Variants in HSPG2 observed in about 807,000 individuals in gnomAD.
The protein encoded by HSPG2 is heparan sulfate proteoglycan 2, also known as basement membrane-specific heparan sulfate proteoglycan core protein.
A neutral mutation model predicts 526.6 loss-of-function variants in HSPG2; 278 were observed. The observed-to-expected ratio is 0.53, with a 90% confidence interval of 0.48 to 0.58. HSPG2 has a LOEUF of 0.58. HSPG2 is among the 20% of genes least tolerant of loss of function. The probability of loss-of-function intolerance (pLI) is 0.00; values close to 1 mark genes in which losing one functional copy is unlikely to be tolerated. For missense variants in HSPG2, 5,354 were observed against 6,099.5 expected (o/e 0.88, Z 4.07); for synonymous variants, 2,465 against 2,555.4 (o/e 0.96, Z 1.07).
chr1:21,915,180 C>A (rs552614675), intron 1 of HSPG2, among the ~76,000 whole-genome samples: 1 of 125,548 alleles, frequency 8.0e-6, no homozygotes, highest in South Asian at 3.2e-4. Flanking sequence ...CTGATACGGG[C>A]GCGTTAGAGC....
In HSPG2 at chr1:21,829,714, G is replaced by A. The variant is rs75322592; in HGVS notation, c.11771-110C>T. 4.1e-3 allele frequency: 4,056 copies of A among 983,262 alleles called. 19 individuals carry two copies. Among genetic ancestry groups the A allele is most frequent in the Non-Finnish European group, 5.4e-3 (3,653 of 670,328 alleles). 60.9% of individuals were successfully genotyped at this position (983,262 alleles called of 1,614,324 possible). A position where few individuals can be genotyped will look rare whatever the true frequency, so the allele number is the denominator to read the frequency against. ...TTGCCTGCCTCACTCTCCAGGCCCA[G>A]AGGCTCAGGACCAGTTGGCACCAGC... On this transcript the variant is annotated intron_variant, in intron 86 of 96. Transcript: ENST00000374695.
rs768304048 is a variant in HSPG2 at position 21,859,715 on chromosome 1, ACT to A, written c.5183-41_5183-40del. 6.3e-7 allele frequency: 1 copy of A among 1,582,854 alleles called. No homozygotes were observed. On this transcript the variant is annotated intron_variant, in intron 41 of 96. Coordinates refer to ENST00000374695, the MANE Select transcript of HSPG2 (RefSeq NM_005529.7). This position sits in a 1 kb window ranked among gnomAD's most constrained non-coding sequence, Gnocchi z 5.3. ...GACAAGAGCTTGTTGGTGCAGATAC[ACT>A]CTTTCTCACATCCAGCCCCATGCAC...
In HSPG2 at chr1:21,824,597, C is replaced by T. The variant is rs1260494537; in HGVS notation, c.12684G>A (p.Glu4228=). The T allele has an allele frequency of 1.2e-6, 2 of 1,614,066 alleles. No homozygotes were observed. Among genetic ancestry groups the T allele is most frequent in the Non-Finnish European group, 1.7e-6 (2 of 1,180,042 alleles). ...VFSRSLPEVP[E]TIELEVRTST... ...TGGTCCGAACCTCCAGCTCGATGGT[C>T]TCGGGCACCTCGGGCAGGCTGCGGA... Residue 4228 remains glutamate, a synonymous_variant, in exon 93 of 97, where the codon GAG becomes GAA. Transcript: ENST00000374695. The surrounding 1 kb of genome is among the most constrained non-coding windows in gnomAD (Gnocchi z 5.9).
intron 85 of HSPG2, chr1:21,830,348 G>C (rs545610037): frequency 1.9e-6 from 1 of 537,238 alleles, no homozygotes; most frequent in East Asian, 3.2e-5. Context: ...GTGTTGGAGG[G>C]GGAGCACCTG....
chr1:21,862,539 G>C (rs1435494133), intron 37 of HSPG2, among the ~76,000 whole-genome samples: 3 of 129,268 alleles, frequency 2.3e-5, no homozygotes, highest in Non-Finnish European at 4.6e-5. Context: ...AGCCGAGATT[G>C]CACCACTGCA....
intron 68 of HSPG2, 23 bp from the exon 69 acceptor site, chr1:21,842,165 C>T (rs755961326): frequency 6.2e-7 from 1 of 1,613,368 alleles, no homozygotes. Context: ...GGGCAGAGGG[C>T]TGGGCTCAGC....
chr1:21,913,378 G>A (rs1050144038), intron 1 of HSPG2, among the ~76,000 whole-genome samples: 3 of 152,186 alleles, frequency 2.0e-5, no homozygotes, highest in Non-Finnish European at 2.9e-5. Flanking sequence ...GAGGGATGCC[G>A]TGTCCTTGGC....
Position 21,895,782 on chromosome 1 carries a change from C to A in HSPG2, c.244+140G>T. Reference sequence around the variant, plus strand: ...CCAATCAGTCTGCACAACTGTCACTCAGCAGGTTAAGAGATCACACCCACT... The same window carrying A: ...CCAATCAGTCTGCACAACTGTCACTAAGCAGGTTAAGAGATCACACCCACT... On this transcript the variant is annotated intron_variant, in intron 3 of 96. Transcript: ENST00000374695. The surrounding 1 kb of genome is among the most constrained non-coding windows in gnomAD (Gnocchi z 4.1). The A allele has an allele frequency of 1.3e-6, 1 of 791,666 alleles. No homozygotes were observed. Among genetic ancestry groups the A allele is most frequent in the Non-Finnish European group, 2.2e-6 (1 of 456,022 alleles). 49.0% of individuals were successfully genotyped at this position (791,666 alleles called of 1,614,324 possible).
chr1:21,831,791 T>G lies in HSPG2; in HGVS notation c.11213A>C (p.Asp3738Ala). ...GATGGTGGCCATGCCTGAGCCTGCA[T>G]CGAACCTGCTCCGTGGGGCAGGCCG... Reference protein sequence around the residue: ...LVGGRPEFRFDAGSGMATIRH... With the variant: ...LVGGRPEFRFAAGSGMATIRH... Residue 3738 changes from aspartate to alanine, a missense_variant, in exon 82 of 97, where the codon GAT (aspartate) becomes GCT (alanine). Physicochemically the swap from Asp to Ala is moderately radical, Grantham distance 126. Coordinates refer to ENST00000374695, the MANE Select transcript of HSPG2 (RefSeq NM_005529.7). The G allele has an allele frequency of 6.3e-7, 1 of 1,598,424 alleles. No individual in the cohort carries two copies. Among genetic ancestry groups the G allele is most frequent in the Non-Finnish European group, 8.5e-7 (1 of 1,169,604 alleles).
rs1420535094 is a variant in HSPG2, at chr1:21,831,017, C to A, written c.11636G>T (p.Arg3879Leu). Residue 3879 changes from arginine to leucine, a missense_variant, in exon 85 of 97, where the codon CGC (arginine) becomes CTC (leucine). By Grantham distance (102) the Arg-to-Leu change is moderately radical. Coordinates refer to ENST00000374695, the MANE Select transcript of HSPG2 (RefSeq NM_005529.7). ...GTGCAGGGCCTGCGAGTGCTCACAG[C>A]GGCTCCCGGTGAAGCCAGCTGGGCA... Reference protein sequence around the residue: ...CVCPAGFTGSRCEHSQALHCH... With the variant: ...CVCPAGFTGSLCEHSQALHCH... The A allele has an allele frequency of 5.7e-6, 9 of 1,589,320 alleles. No individual in the cohort carries two copies. The highest frequency in any genetic ancestry group is 1.1e-5 in the South Asian group (1 of 88,190).
chr1:21,870,298 G>C (rs1019071174), intron 33 of HSPG2: 34 of 985,874 alleles, frequency 3.4e-5, no homozygotes, highest in Non-Finnish European at 4.0e-5. Context: ...CTGCTCCTCT[G>C]AGAGGGATGT....
At chr1:21,875,597 C>T (rs369747437) in intron 25 of HSPG2, 32 bp downstream of exon 25, 5 of 1,550,902 alleles carry the variant, frequency 3.2e-6, no homozygotes, top group Non-Finnish European at 4.4e-6. Context: ...TCCCCAAGCC[C>T]ATGCTGGTCC....
chr1:21,906,035 T>C (rs537066761), intron 1 of HSPG2, among the ~76,000 whole-genome samples: 1 of 152,326 alleles, frequency 6.6e-6, no homozygotes, highest in Admixed American at 6.5e-5. Flanking sequence ...AGTTAATTAA[T>C]TAATGGGGTT....
At chr1:21,826,852 CTG>C (rs1382104619) in intron 91 of HSPG2, among the ~76,000 whole-genome samples, 3 of 152,216 alleles carry the variant, frequency 2.0e-5, no homozygotes, top group Non-Finnish European at 4.4e-5. Context: ...TGTACTGACT[CTG>C]TACCACACAT....
intron 86 of HSPG2, 58 bp downstream of exon 86, chr1:21,829,934 CA>C (rs1338680477): frequency 7.1e-7 from 1 of 1,410,704 alleles, no homozygotes; most frequent in Non-Finnish European, 9.8e-7. Flanking sequence ...CAGAGTGCCC[CA>C]CCCAGCCTCC....
chr1:21,857,076 G>T lies in HSPG2; in HGVS notation c.5514C>A (p.Tyr1838Ter). ...CAAACATGTTGGAGCCGGTGCACAC[G>T]TAGGTGCCTGCATCACTCAGCTGGA... ...RNVQLSDAGTYVCTGSNMFAM... is the reference protein window; with the variant it reads ...RNVQLSDAGT The change falls in exon 44 of 97, where the codon TAC becomes TAA. Residue 1838 changes from tyrosine to a stop codon, truncating the protein, a stop_gained. Coordinates refer to ENST00000374695, the MANE Select transcript of HSPG2 (RefSeq NM_005529.7). LOFTEE classifies it high-confidence loss of function. 2.5e-6 allele frequency: 4 copies of T among 1,614,122 alleles called. No homozygotes were observed. The highest frequency in any genetic ancestry group is 2.5e-6 in the Non-Finnish European group (3 of 1,180,030).
chr1:21,881,570 C>T, intron 13 of HSPG2, 68 bp from the exon 14 acceptor site: 1 of 1,347,394 alleles, frequency 7.4e-7, no homozygotes, highest in Non-Finnish European at 1.0e-6. Flanking sequence ...TCTTGAGGGG[C>T]AGCAATCCAG....
chr1:21,862,102 T>G lies in HSPG2; in HGVS notation c.4754A>C (p.Asn1585Thr), dbSNP rs578159443. ...AAGCTCGCAGAACTCCCCTGCGGCG[T>G]TGTGCTGGCATTGCTGCAGGGCACA... ...ETGACSQCQHNAAGEFCELCA... is the reference protein window; with the variant it reads ...ETGACSQCQHTAAGEFCELCA... Residue 1585 changes from asparagine (N) to threonine (T), a missense_variant, in exon 38 of 97, where the codon AAC (asparagine) becomes ACC (threonine). By Grantham distance (65) the Asn-to-Thr change is moderately conservative. Transcript: ENST00000374695. 9 of 1,613,268 alleles carry G rather than the reference T, an allele frequency of 5.6e-6. 1 individual carries two copies. The Admixed American group carries it at 1.3e-4, about 24-fold the overall frequency.
intron 6 of HSPG2, among the ~76,000 whole-genome samples, chr1:21,888,454 A>T (rs1179620376): frequency 1.3e-5 from 2 of 152,186 alleles, no homozygotes; most frequent in Non-Finnish European, 2.9e-5. Context: ...TCCATCCTTT[A>T]AAAAATTTTT....
Sources: gnomAD v4.1 joint callset for allele counts (sites outside exome capture counted in the v4.1 genomes callset) on GRCh38, gnomAD v4.1.1 for gene constraint, Gnocchi (gnomAD v3.1) non-coding constraint, MANE v1.5 for transcripts, NCBI Gene and HGNC (gene_info 2026-07-23, HGNC 2026-07-21) for gene names.